PIP5K1B: variants seen among roughly 807,000 people sequenced by gnomAD.
The protein encoded by PIP5K1B is phosphatidylinositol-4-phosphate 5-kinase type 1 beta.
A neutral mutation model predicts 67.0 loss-of-function variants in PIP5K1B; 42 were observed. The ratio of observed to expected loss-of-function variants is 0.63; its 90% confidence interval spans 0.49 to 0.81. The LOEUF (loss-of-function observed/expected upper bound fraction) is 0.81. Among genes scored for constraint, PIP5K1B ranks in the 30% least tolerant of loss-of-function variants. PIP5K1B has a pLI of 0.00. For missense variants in PIP5K1B, 459 were observed against 646.3 expected, an observed-to-expected ratio of 0.71 and a Z score of 3.14; for synonymous variants, 214 against 231.4, an observed-to-expected ratio of 0.92 and a Z score of 0.68.
intron 4 of PIP5K1B, among the ~76,000 whole-genome samples, chr9:68,854,311 G>A (rs1286824794): frequency 6.6e-6 from 1 of 151,630 alleles, no homozygotes; most frequent in Non-Finnish European, 1.5e-5. Context: ...TTGATTTTTT[G>A]TAGAGAAAAG....
chr9:68,925,786 G>T (rs1826658826), intron 12 of PIP5K1B, among the ~76,000 whole-genome samples: 1 of 34,126 alleles, frequency 2.9e-5, no homozygotes, highest in Admixed American at 3.3e-4. Context: ...ATACCAGCTT[G>T]TGGTTCCAAT....
intron 2 of PIP5K1B, among the ~76,000 whole-genome samples, chr9:68,760,775 C>T (rs577745687): frequency 2.6e-5 from 4 of 152,052 alleles, no homozygotes; most frequent in Non-Finnish European, 4.4e-5. Context: ...TAGGAGCTCA[C>T]AAATATGCTA....
intron 14 of PIP5K1B, among the ~76,000 whole-genome samples, chr9:68,961,528 G>A (rs936701885): frequency 4.6e-5 from 7 of 152,204 alleles, no homozygotes; most frequent in African/African-American, 1.7e-4. Context: ...CGTGGCTGGG[G>A]CTTGTCATCT....
At chr9:68,969,935 T>G (rs567474492) in intron 14 of PIP5K1B, among the ~76,000 whole-genome samples, 1 of 152,340 alleles carries the variant, frequency 6.6e-6, no homozygotes, top group East Asian at 1.9e-4. Flanking sequence ...GAGGACATAT[T>G]TGTTGAATTT....
At position 68,918,087 on chromosome 9, in the gene PIP5K1B, A is replaced by ATTTTTTTTTTTTTTTTTTTT. The variant is rs200797718; in HGVS notation, c.983+331_983+332insTTTTTTTTTTTTTTTTTTTT. 7.5e-5 allele frequency among the ~76,000 whole-genome samples: 10 copies of ATTTTTTTTTTTTTTTTTTTT among 133,018 alleles called. 5 individuals are homozygous for ATTTTTTTTTTTTTTTTTTTT. Among genetic ancestry groups the ATTTTTTTTTTTTTTTTTTTT allele is most frequent in the Non-Finnish European group, 6.6e-5 (4 of 60,248 alleles). The allele number at this position is 133,018 out of a possible 152,430, so 87.3% of individuals were successfully genotyped here. On this transcript the variant is annotated intron_variant, in intron 9 of 15. Coordinates refer to ENST00000265382, the MANE Select transcript of PIP5K1B (RefSeq NM_003558.4). ...TTTGAATAAACATGTTTTATTGTTTATTTATTTATTTTTTTTTTTTGAGAC... is the reference window on the plus strand; with the variant it reads ...TTTGAATAAACATGTTTTATTGTTTATTTTTTTTTTTTTTTTTTTTTTTATTTATTTTTTTTTTTTGAGAC...
chr9:68,894,299 T>C (rs370195493), intron 7 of PIP5K1B, 40 bp from the exon 8 acceptor site: 3 of 1,291,066 alleles, frequency 2.3e-6, no homozygotes, highest in Non-Finnish European at 3.3e-6. Context: ...TTTGTCAAAA[T>C]AGAAGATTGT....
chr9:68,975,762 G>A (rs1330457010), intron 14 of PIP5K1B, among the ~76,000 whole-genome samples: 6 of 152,196 alleles, frequency 3.9e-5, no homozygotes, highest in Non-Finnish European at 7.3e-5. Flanking sequence ...CTAGCTTCTG[G>A]TGGTGTGCTG....
intron 2 of PIP5K1B, among the ~76,000 whole-genome samples, chr9:68,750,844 C>A (rs1415060485): frequency 6.6e-6 from 1 of 152,154 alleles, no homozygotes; most frequent in African/African-American, 2.4e-5. Context: ...AGTTTTTAAT[C>A]CTTTCATGGG....
chr9:68,847,906 C>G (rs1822277513), intron 4 of PIP5K1B, among the ~76,000 whole-genome samples: 1 of 152,328 alleles, frequency 6.6e-6, no homozygotes, highest in South Asian at 2.1e-4. Context: ...CATATTTTAG[C>G]TGGGCCTGTG....
chr9:68,845,950 T>A (rs1264728977), intron 4 of PIP5K1B, among the ~76,000 whole-genome samples: 2 of 152,254 alleles, frequency 1.3e-5, no homozygotes, highest in Non-Finnish European at 2.9e-5. Context: ...CATTTAATAG[T>A]CTTTTTGTAA....
chr9:69,002,150 C>G (rs1413396665), intron 15 of PIP5K1B, among the ~76,000 whole-genome samples: 1 of 152,200 alleles, frequency 6.6e-6, no homozygotes, highest in Non-Finnish European at 1.5e-5. Context: ...CCCCAGAATT[C>G]AACCAACAGT....
intron 4 of PIP5K1B, among the ~76,000 whole-genome samples, chr9:68,827,477 C>T (rs1040175125): frequency 3.9e-5 from 6 of 152,140 alleles, no homozygotes; most frequent in Non-Finnish European, 7.3e-5. Flanking sequence ...AATAAGCACA[C>T]GTGGCTGATG....
intron 14 of PIP5K1B, among the ~76,000 whole-genome samples, chr9:68,981,651 G>A (rs1829885655): frequency 1.3e-5 from 2 of 152,140 alleles, no homozygotes; most frequent in South Asian, 2.1e-4. Context: ...GCTCTCATGA[G>A]AATTAGCTAT....
At chr9:68,895,619 A>G (rs1825043545) in intron 8 of PIP5K1B, among the ~76,000 whole-genome samples, 1 of 100,628 alleles carries the variant, frequency 9.9e-6, no homozygotes, top group Non-Finnish European at 2.0e-5. Context: ...ACACAGGTCT[A>G]CTGTTTCTGT....
At chr9:68,745,360 A>G (rs1035260008) in intron 2 of PIP5K1B, among the ~76,000 whole-genome samples, 6 of 152,238 alleles carry the variant, frequency 3.9e-5, no homozygotes, top group Non-Finnish European at 7.3e-5. Flanking sequence ...CACCGTAGGT[A>G]AGAGGTTTAA....
intron 4 of PIP5K1B, among the ~76,000 whole-genome samples, chr9:68,856,630 C>T (rs1822792736): frequency 6.6e-6 from 1 of 152,238 alleles, no homozygotes. Flanking sequence ...AGACTAGAAA[C>T]TCCCATGAGA....
intron 5 of PIP5K1B, among the ~76,000 whole-genome samples, chr9:68,866,984 C>G (rs938071357): frequency 1.3e-5 from 2 of 152,124 alleles, no homozygotes; most frequent in African/African-American, 4.8e-5. Flanking sequence ...TGAAAAATAG[C>G]CTGGGTCCTA....
At chr9:68,848,234 G>A (rs1316914781) in intron 4 of PIP5K1B, among the ~76,000 whole-genome samples, 2 of 152,226 alleles carry the variant, frequency 1.3e-5, no homozygotes, top group Non-Finnish European at 2.9e-5. Context: ...AAAGAAGAGT[G>A]AGTGGAGTTA....
chr9:68,898,811 G>C (rs1825220409), intron 8 of PIP5K1B, among the ~76,000 whole-genome samples: 1 of 152,202 alleles, frequency 6.6e-6, no homozygotes, highest in South Asian at 2.1e-4. Context: ...CACAGCCACT[G>C]CTTTTATTGA....
Sources: allele counts gnomAD v4.1 joint callset (sites outside exome capture counted in the v4.1 genomes callset), GRCh38; gene constraint gnomAD v4.1.1; transcripts MANE v1.5; gene names NCBI Gene and HGNC (gene_info 2026-07-23, HGNC 2026-07-21).